Variants in ZSCAN5A observed in about 807,000 individuals in gnomAD.
ZSCAN5A encodes the protein zinc finger and SCAN domain containing 5A.
A neutral mutation model predicts 23.7 loss-of-function variants in ZSCAN5A; 12 were observed. The ratio of observed to expected loss-of-function variants is 0.51; its 90% CI spans 0.32 to 0.82. ZSCAN5A has a LOEUF of 0.82. Among genes scored for constraint, ZSCAN5A ranks in the 40% least tolerant of loss-of-function variants. The probability of loss-of-function intolerance (pLI) is 0.03; values close to 1 mark genes in which losing one functional copy is unlikely to be tolerated. For missense variants in ZSCAN5A, 597 were observed against 617.9 expected, an observed-to-expected ratio of 0.97 and a Z score of 0.36; for synonymous variants, 257 against 239.9, an observed-to-expected ratio of 1.07 and a Z score of -0.66.
intron 2 of ZSCAN5A, chr19:56,321,326 T>C: frequency 1.5e-6 from 1 of 655,854 alleles, no homozygotes; most frequent in Non-Finnish European, 2.8e-6. Flanking sequence ...AGAAGTCCCA[T>C]GCCCTCTGGG....
At chr19:56,303,684 C>CA (rs927069374) in intron 2 of ZSCAN5A, among the ~76,000 whole-genome samples, 28 of 152,168 alleles carry the variant, frequency 1.8e-4, no homozygotes, top group African/African-American at 6.5e-4. Context: ...CTTGAGTCCC[C>CA]AGGGCTCCCA....
chr19:56,273,623 A>G (rs903674058), intron 2 of ZSCAN5A, among the ~76,000 whole-genome samples: 15 of 152,160 alleles, frequency 9.9e-5, no homozygotes, highest in African/African-American at 3.6e-4. Context: ...AGACTTGAAT[A>G]TGCAAAGGTC....
intron 2 of ZSCAN5A, among the ~76,000 whole-genome samples, chr19:56,256,792 G>C: frequency 6.6e-6 from 1 of 152,166 alleles, no homozygotes; most frequent in South Asian, 2.1e-4. Context: ...TGACGATTGT[G>C]TCCTGAGTTC....
chr19:56,223,611 C>A lies in ZSCAN5A; in HGVS notation c.588+20G>T. The A allele has an allele frequency of 6.2e-7, 1 of 1,612,694 alleles. No homozygotes were observed. Among genetic ancestry groups the A allele is most frequent in the Non-Finnish European group, 8.5e-7 (1 of 1,179,456 alleles). On this transcript the variant is annotated intron_variant, in intron 4 of 5. Coordinates refer to ENST00000683990, the MANE Select transcript of ZSCAN5A (RefSeq NM_001322064.3). ...TCCTTCTCCCACCTCTGCCCAGACA[C>A]CAAGGCCTCACACACTCACCTGCCT...
intron 2 of ZSCAN5A, among the ~76,000 whole-genome samples, chr19:56,337,801 C>G (rs563082274): frequency 6.6e-6 from 1 of 152,328 alleles, no homozygotes; most frequent in South Asian, 2.1e-4. Flanking sequence ...TATTCCTTAA[C>G]AGGTGTGAAG....
chr19:56,336,863 G>A (rs1239700683), intron 2 of ZSCAN5A, among the ~76,000 whole-genome samples: 5 of 152,214 alleles, frequency 3.3e-5, no homozygotes, highest in African/African-American at 4.8e-5. Context: ...GACCCTGTTT[G>A]CCTGGGTATC....
intron 2 of ZSCAN5A, among the ~76,000 whole-genome samples, chr19:56,255,621 TC>T (rs1169560534): frequency 2.6e-5 from 4 of 151,956 alleles, no homozygotes; most frequent in African/African-American, 9.6e-5. Context: ...TTTTTTTTTT[TC>T]TCCCTCAAAG....
chr19:56,271,652 C>G (rs927232338), intron 2 of ZSCAN5A, among the ~76,000 whole-genome samples: 2 of 152,174 alleles, frequency 1.3e-5, no homozygotes, highest in Non-Finnish European at 2.9e-5. Context: ...GGGATTGAAA[C>G]ATAGATAGCA....
intron 2 of ZSCAN5A, among the ~76,000 whole-genome samples, chr19:56,291,955 G>C (rs1342012211): frequency 6.6e-6 from 1 of 152,164 alleles, no homozygotes; most frequent in Non-Finnish European, 1.5e-5. Context: ...GTTATGTGTA[G>C]TTATTCCCCA....
chr19:56,223,013 G>A (rs553355998), intron 4 of ZSCAN5A, among the ~76,000 whole-genome samples: 2 of 152,208 alleles, frequency 1.3e-5, no homozygotes, highest in South Asian at 2.1e-4. Flanking sequence ...TCTCCCCGCC[G>A]TGCCAACGTC....
chr19:56,228,340 G>A (rs1024009609), intron 2 of ZSCAN5A: 3 of 985,186 alleles, frequency 3.0e-6, no homozygotes, highest in South Asian at 4.7e-5. Flanking sequence ...TTATGGAGAA[G>A]CGGGACTCCA....
intron 2 of ZSCAN5A, chr19:56,320,739 G>T: frequency 1.6e-6 from 2 of 1,226,492 alleles, no homozygotes; most frequent in Non-Finnish European, 2.4e-6. Context: ...TCTGACACAA[G>T]ACGTACTCCA....
intron 4 of ZSCAN5A, 40 bp from the exon 5 acceptor site, chr19:56,222,781 A>T (rs1017842317): frequency 6.2e-7 from 1 of 1,613,692 alleles, no homozygotes; most frequent in Non-Finnish European, 8.5e-7. Flanking sequence ...GCTGTGTCCA[A>T]ACTGGTGGAA....
At position 56,293,544 on chromosome 19, in the gene ZSCAN5A, T is replaced by C. The variant is rs572232030; in HGVS notation, c.-128+19739A>G. Among the ~76,000 whole-genome samples, 13 of 152,272 alleles carry C rather than the reference T, an allele frequency of 8.5e-5. No homozygotes were observed. The East Asian group carries it at 2.5e-3, about 29-fold the overall frequency. On this transcript the variant is annotated intron_variant, in intron 2 of 5. Coordinates refer to ENST00000683990, the MANE Select transcript of ZSCAN5A (RefSeq NM_001322064.3). ...GAGTGTGCACTGTGGGCGCCGGTCCTGACTGCACCACTTTCTAGTTCCGTG... is the reference window on the plus strand; with the variant it reads ...GAGTGTGCACTGTGGGCGCCGGTCCCGACTGCACCACTTTCTAGTTCCGTG...
intron 2 of ZSCAN5A, among the ~76,000 whole-genome samples, chr19:56,261,116 G>A (rs2037095359): frequency 1.3e-5 from 2 of 152,038 alleles, no homozygotes; most frequent in Middle Eastern, 3.4e-3. Context: ...GCTGAGGCAG[G>A]AGAATCTCTT....
chr19:56,308,668 T>A (rs1221253308), intron 2 of ZSCAN5A, among the ~76,000 whole-genome samples: 2 of 151,168 alleles, frequency 1.3e-5, no homozygotes, highest in Non-Finnish European at 2.9e-5. Flanking sequence ...ACATTTTTTT[T>A]CCCGCTCCAT....
intron 2 of ZSCAN5A, among the ~76,000 whole-genome samples, chr19:56,325,599 G>C (rs1044462635): frequency 6.6e-6 from 1 of 151,986 alleles, no homozygotes; most frequent in Non-Finnish European, 1.5e-5. Flanking sequence ...GTTGTTTTCT[G>C]TATCAGGAAG....
intron 2 of ZSCAN5A, chr19:56,303,015 C>T: frequency 2.5e-6 from 1 of 396,458 alleles, no homozygotes; most frequent in Non-Finnish European, 4.4e-6. Flanking sequence ...GCGCTTATCT[C>T]AGCCTAGGGG....
chr19:56,221,467 CCTCT>C lies in ZSCAN5A; in HGVS notation c.*104_*107del, dbSNP rs1270100402. The C allele has an allele frequency of 2.9e-6, 4 of 1,380,136 alleles. No homozygotes were observed. Among genetic ancestry groups the C allele is most frequent in the Admixed American group, 2.3e-5 (1 of 42,658 alleles). The allele number at this position is 1,380,136 out of a possible 1,614,324, so 85.5% of individuals were successfully genotyped here. ...CTGGCAATTCATATCTAGGGCACTC[CCTCT>C]GTGTGTCAGACGCCCTTGCATGTGT... On this transcript the variant is annotated 3_prime_UTR_variant, in exon 6 of 6. Transcript: ENST00000683990.
Sources: gnomAD v4.1 joint callset for allele counts (sites outside exome capture counted in the v4.1 genomes callset) on GRCh38, gnomAD v4.1.1 for gene constraint, MANE v1.5 for transcripts, NCBI Gene and HGNC (gene_info 2026-07-23, HGNC 2026-07-21) for gene names.